The following CARMIL1 variants were observed in gnomAD, a reference collection of about 807,000 sequenced individuals.
The protein encoded by CARMIL1 is capping protein regulator and myosin 1 linker 1.
CARMIL1 carries 90 observed loss-of-function variants against 177.1 expected under a neutral mutation model. That is an observed-to-expected ratio of 0.51 (90% CI 0.43 to 0.61). The LOEUF is 0.61. Among genes scored for constraint, CARMIL1 ranks in the 20% least tolerant of loss-of-function variants. The pLI, the probability that CARMIL1 is intolerant of heterozygous loss-of-function variation, is 0.00. For missense variants in CARMIL1, 1,380 were observed against 1,667.0 expected, an observed-to-expected ratio of 0.83 and a Z score of 3.00; for synonymous variants, 577 against 606.2, an observed-to-expected ratio of 0.95 and a Z score of 0.71.
intron 16 of CARMIL1, among the ~76,000 whole-genome samples, chr6:25,497,877 G>A (rs537833134): frequency 2.0e-5 from 3 of 152,118 alleles, no homozygotes; most frequent in African/African-American, 7.2e-5. Context: ...GAATATGACC[G>A]CTTACTTCAT....
intron 29 of CARMIL1, among the ~76,000 whole-genome samples, chr6:25,567,436 A>G (rs1811656971): frequency 6.6e-6 from 1 of 152,224 alleles, no homozygotes; most frequent in South Asian, 2.1e-4. Context: ...ACTGATGGAA[A>G]CAGCAGAAAG....
At chr6:25,517,730 G>A (rs1043911572) in intron 22 of CARMIL1, among the ~76,000 whole-genome samples, 5 of 150,498 alleles carry the variant, frequency 3.3e-5, no homozygotes, top group African/African-American at 1.2e-4. Flanking sequence ...TGTGGAAATT[G>A]TGTAGATTTC....
intron 2 of CARMIL1, among the ~76,000 whole-genome samples, chr6:25,344,337 T>C (rs1787278185): frequency 6.6e-6 from 1 of 152,132 alleles, no homozygotes; most frequent in Admixed American, 6.5e-5. Context: ...TTCCCCAGCT[T>C]GGAGTCCACG....
At chr6:25,301,915 C>G (rs1319643015) in intron 2 of CARMIL1, among the ~76,000 whole-genome samples, 1 of 152,144 alleles carries the variant, frequency 6.6e-6, no homozygotes, top group Non-Finnish European at 1.5e-5. Context: ...GCCAGCTCAC[C>G]ATATTTATTC....
intron 2 of CARMIL1, among the ~76,000 whole-genome samples, chr6:25,363,042 A>C (rs1253082253): frequency 1.3e-5 from 2 of 152,142 alleles, no homozygotes; most frequent in East Asian, 3.9e-4. Flanking sequence ...CTCCAAAACA[A>C]AGAAAGAAAA....
At chr6:25,352,684 C>T (rs981647876) in intron 2 of CARMIL1, among the ~76,000 whole-genome samples, 2 of 152,150 alleles carry the variant, frequency 1.3e-5, no homozygotes, top group African/African-American at 4.8e-5. Flanking sequence ...GCTTCACACT[C>T]ATGTCTCTTG....
chr6:25,314,196 A>T (rs1174132334), intron 2 of CARMIL1, among the ~76,000 whole-genome samples: 2 of 129,452 alleles, frequency 1.5e-5, no homozygotes, highest in South Asian at 2.8e-4. Context: ...TGACCTTGTG[A>T]TCCACCCACC....
chr6:25,376,478 G>A lies in CARMIL1; in HGVS notation c.139-43636G>A, dbSNP rs561287242. Among the ~76,000 whole-genome samples, 25 of 152,200 alleles carry A rather than the reference G, an allele frequency of 1.6e-4. No homozygotes were observed. The Middle Eastern group carries it at 0.01, about 62-fold the overall frequency. On this transcript the variant is annotated intron_variant, in intron 2 of 36. Transcript: ENST00000329474. ...GACTTAAAAATTTTTTTTCTCCCTTGAGGATGTGACTTTATCGTTTATTGT... is the reference window on the plus strand; with the variant it reads ...GACTTAAAAATTTTTTTTCTCCCTTAAGGATGTGACTTTATCGTTTATTGT...
intron 2 of CARMIL1, among the ~76,000 whole-genome samples, chr6:25,317,313 AT>A (rs1418962453): frequency 6.6e-6 from 1 of 151,524 alleles, no homozygotes; most frequent in African/African-American, 2.4e-5. Context: ...TTTTATTTTT[AT>A]TTTTTAAAGA....
intron 31 of CARMIL1, among the ~76,000 whole-genome samples, chr6:25,593,626 C>T (rs1814535119): frequency 6.6e-6 from 1 of 152,208 alleles, no homozygotes; most frequent in South Asian, 2.1e-4. Flanking sequence ...CACAGATACC[C>T]AGGTGCTTTC....
rs772776193 is a variant in CARMIL1 at position 25,604,893 on chromosome 6, G to A, written c.3634G>A (p.Val1212Met). The A allele has an allele frequency of 3.9e-5, 62 of 1,589,040 alleles. No homozygotes were observed. The highest frequency in any genetic ancestry group is 5.1e-5 in the Non-Finnish European group (60 of 1,168,030). ...GVERSDGGGAVPKLHPGLPEN... is the reference protein window; with the variant it reads ...GVERSDGGGAMPKLHPGLPEN... ...AGAACGGTCGGATGGAGGTGGGGCA[G>A]GTAAGTCAGGCCATTGCCATCACCC... The change falls in exon 34 of 37, where the codon GTG becomes ATG. Residue 1212 changes from valine (V) to methionine (M), a missense_variant and splice_region_variant. Val to Met is a conservative substitution (Grantham distance 21, BLOSUM62 1). Transcript: ENST00000329474.
chr6:25,410,012 A>C (rs1278891617), intron 2 of CARMIL1, among the ~76,000 whole-genome samples: 3 of 151,930 alleles, frequency 2.0e-5, no homozygotes, highest in Admixed American at 6.6e-5. Context: ...CTTATTTTTT[A>C]TTCTCTGAAT....
chr6:25,399,257 C>T (rs940895991), intron 2 of CARMIL1, among the ~76,000 whole-genome samples: 1 of 152,170 alleles, frequency 6.6e-6, no homozygotes, highest in Non-Finnish European at 1.5e-5. Flanking sequence ...CTATGACAGT[C>T]GTTCCAAGTG....
intron 26 of CARMIL1, among the ~76,000 whole-genome samples, chr6:25,540,506 A>G (rs1808792465): frequency 6.6e-6 from 1 of 152,194 alleles, no homozygotes. Context: ...GGCTGGTTGA[A>G]AGACTAGGAA....
chr6:25,331,105 C>T (rs1785585280), intron 2 of CARMIL1, among the ~76,000 whole-genome samples: 1 of 152,152 alleles, frequency 6.6e-6, no homozygotes, highest in Non-Finnish European at 1.5e-5. Flanking sequence ...TCTTCTGCCC[C>T]TGAGGAAGTT....
intron 24 of CARMIL1, among the ~76,000 whole-genome samples, chr6:25,531,215 G>T (rs1417652174): frequency 6.6e-6 from 1 of 152,148 alleles, no homozygotes; most frequent in Non-Finnish European, 1.5e-5. Context: ...ATTTTTCTCT[G>T]CAAATTGAAA....
At chr6:25,410,315 G>A (rs549276245) in intron 2 of CARMIL1, among the ~76,000 whole-genome samples, 4 of 152,170 alleles carry the variant, frequency 2.6e-5, no homozygotes, top group East Asian at 3.9e-4. Flanking sequence ...AGGGACTGCG[G>A]CAATAGACTT....
intron 2 of CARMIL1, among the ~76,000 whole-genome samples, chr6:25,310,064 G>A (rs6915270): frequency 0.21 from 31,578 of 151,846 alleles, 4,236 homozygotes; most frequent in East Asian, 0.4. Flanking sequence ...CACCCCGCCG[G>A]GCCACATCTT....
intron 2 of CARMIL1, among the ~76,000 whole-genome samples, chr6:25,335,001 CA>C (rs888522652): frequency 2.6e-5 from 4 of 152,172 alleles, no homozygotes; most frequent in African/African-American, 9.7e-5. Context: ...CCTGTCTTTA[CA>C]AAGGTTTCTA....
Sources: gnomAD v4.1 joint callset for allele counts (sites outside exome capture counted in the v4.1 genomes callset) on GRCh38, gnomAD v4.1.1 for gene constraint, MANE v1.5 for transcripts, NCBI Gene and HGNC (gene_info 2026-07-23, HGNC 2026-07-21) for gene names.